LRRC4C: variants seen among roughly 807,000 people sequenced by gnomAD.
The protein encoded by LRRC4C is leucine-rich repeat-containing protein 4C.
LRRC4C carries 5 observed loss-of-function variants against 33.6 expected under a neutral mutation model. That is an observed-to-expected ratio of 0.15 (90% CI 0.08 to 0.31). The LOEUF is 0.31. LRRC4C is among the 10% of genes least tolerant of loss of function. The pLI, the probability that LRRC4C is intolerant of heterozygous loss-of-function variation, is 1.00. For missense variants in LRRC4C, 560 were observed against 796.7 expected (o/e 0.70, Z 3.58); for synonymous variants, 329 against 302.0 (o/e 1.09, Z -0.93).
intron 3 of LRRC4C, among the ~76,000 whole-genome samples, chr11:40,324,291 A>C (rs1214713295): frequency 6.6e-6 from 1 of 152,226 alleles, no homozygotes; most frequent in Non-Finnish European, 1.5e-5. Flanking sequence ...TAGTGCAGAG[A>C]ATAGAAGAAA....
At chr11:40,449,958 A>G (rs1011676363) in intron 3 of LRRC4C, among the ~76,000 whole-genome samples, 3 of 152,154 alleles carry the variant, frequency 2.0e-5, no homozygotes, top group Non-Finnish European at 2.9e-5. Context: ...CACTTTGGCA[A>G]TTACGTTGGG....
chr11:41,111,240 A>G (rs1190465029), intron 1 of LRRC4C, among the ~76,000 whole-genome samples: 5 of 152,116 alleles, frequency 3.3e-5, no homozygotes, highest in Non-Finnish European at 5.9e-5. Context: ...CAAAGCCCCT[A>G]CATACTCTTT....
chr11:41,384,936 T>C (rs1770414440), intron 1 of LRRC4C, among the ~76,000 whole-genome samples: 1 of 150,272 alleles, frequency 6.7e-6, no homozygotes. Flanking sequence ...TTACAAATGA[T>C]TTAGTATACT....
chr11:41,134,392 G>A (rs1943162311), intron 1 of LRRC4C, among the ~76,000 whole-genome samples: 1 of 152,038 alleles, frequency 6.6e-6, no homozygotes, highest in South Asian at 2.1e-4. Flanking sequence ...GCACACTCTG[G>A]GATTACAGGC....
rs149498795 is a variant in LRRC4C, at chr11:40,811,672, T to A, written c.-407+121963A>T. 6.9e-3 allele frequency among the ~76,000 whole-genome samples: 1,043 copies of A among 152,152 alleles called. 19 individuals are homozygous for A. Among genetic ancestry groups the A allele is most frequent in the South Asian group, 0.047 (229 of 4,824 alleles). On this transcript the variant is annotated intron_variant, in intron 2 of 6. Transcript: ENST00000528697. ...ACCACCATGCCCAGCTAATTTTTTA[T>A]ATTTTAGTAGAGAAGGGTTTCACCA...
At chr11:40,789,040 C>T (rs977462740) in intron 2 of LRRC4C, among the ~76,000 whole-genome samples, 1 of 145,656 alleles carries the variant, frequency 6.9e-6, no homozygotes, top group Admixed American at 7.0e-5. Context: ...TTGCAGTGAG[C>T]CGAGATCGCG....
At chr11:41,161,560 T>A (rs1357396950) in intron 1 of LRRC4C, among the ~76,000 whole-genome samples, 1 of 152,222 alleles carries the variant, frequency 6.6e-6, no homozygotes, top group Non-Finnish European at 1.5e-5. Flanking sequence ...AGATGTCAGA[T>A]AACCTTTAAT....
chr11:41,122,015 G>A (rs1942457929), intron 1 of LRRC4C, among the ~76,000 whole-genome samples: 1 of 152,062 alleles, frequency 6.6e-6, no homozygotes, highest in Non-Finnish European at 1.5e-5. Context: ...AAAGAAAAAT[G>A]TAGAATAACG....
intron 2 of LRRC4C, among the ~76,000 whole-genome samples, chr11:40,867,460 T>C (rs1954424042): frequency 6.6e-6 from 1 of 152,132 alleles, no homozygotes; most frequent in East Asian, 1.9e-4. Context: ...TGGTGACTCT[T>C]AAAGTAATTA....
intron 2 of LRRC4C, among the ~76,000 whole-genome samples, chr11:40,789,428 C>T (rs560230363): frequency 7.9e-5 from 12 of 152,146 alleles, no homozygotes; most frequent in Middle Eastern, 3.4e-3. Flanking sequence ...TTTATGCTTT[C>T]CACATTTGGC....
intron 3 of LRRC4C, among the ~76,000 whole-genome samples, chr11:40,456,449 G>GA (rs1470114955): frequency 2.7e-5 from 4 of 148,828 alleles, no homozygotes; most frequent in Admixed American, 1.3e-4. Flanking sequence ...TACAGAGCAA[G>GA]AAAAAAAAGT....
intron 3 of LRRC4C, among the ~76,000 whole-genome samples, chr11:40,455,603 T>C (rs1952094060): frequency 6.6e-6 from 1 of 152,174 alleles, no homozygotes; most frequent in African/African-American, 2.4e-5. Flanking sequence ...TGAGTCCTAA[T>C]TTCATTTCAC....
At chr11:40,613,331 G>A (rs1961425640) in intron 3 of LRRC4C, among the ~76,000 whole-genome samples, 1 of 151,664 alleles carries the variant, frequency 6.6e-6, no homozygotes, top group South Asian at 2.1e-4. Context: ...TTGTCATTTC[G>A]ACAATGTTCA....
chr11:41,102,134 AT>A (rs1256785814), intron 1 of LRRC4C, among the ~76,000 whole-genome samples: 2 of 152,098 alleles, frequency 1.3e-5, no homozygotes, highest in Non-Finnish European at 1.5e-5. Context: ...TGAACCTAAA[AT>A]AAAAGTTAAA....
At chr11:40,262,762 A>C (rs1316700723) in intron 4 of LRRC4C, among the ~76,000 whole-genome samples, 1 of 152,138 alleles carries the variant, frequency 6.6e-6, no homozygotes, top group East Asian at 1.9e-4. Context: ...GTTCTCATTC[A>C]TAAGTGGGAG....
intron 3 of LRRC4C, among the ~76,000 whole-genome samples, chr11:40,462,251 A>G (rs908367472): frequency 2.6e-5 from 4 of 152,092 alleles, no homozygotes; most frequent in Admixed American, 6.6e-5. Context: ...AAAACTTTGT[A>G]TAGAAACAAC....
At chr11:40,224,629 C>T (rs1231011107) in intron 5 of LRRC4C, among the ~76,000 whole-genome samples, 1 of 152,190 alleles carries the variant, frequency 6.6e-6, no homozygotes, top group East Asian at 1.9e-4. Context: ...ATTGATTCAT[C>T]TCTAAAGTTG....
chr11:40,574,883 G>A (rs775752768), intron 3 of LRRC4C, among the ~76,000 whole-genome samples: 2 of 152,148 alleles, frequency 1.3e-5, no homozygotes, highest in Non-Finnish European at 2.9e-5. Context: ...GCACATAGTA[G>A]TGAGGAGGCC....
At chr11:41,009,298 T>C (rs1449487922) in intron 1 of LRRC4C, among the ~76,000 whole-genome samples, 1 of 152,004 alleles carries the variant, frequency 6.6e-6, no homozygotes, top group African/African-American at 2.4e-5. Flanking sequence ...TGTAAATTTT[T>C]CGAGTATCAT....
Sources: gnomAD v4.1 joint callset for allele counts (sites outside exome capture counted in the v4.1 genomes callset) on GRCh38, gnomAD v4.1.1 for gene constraint, MANE v1.5 for transcripts, NCBI Gene and HGNC (gene_info 2026-07-23, HGNC 2026-07-21) for gene names.